Variants in LIMD1 observed in about 807,000 individuals in gnomAD.
LIMD1 encodes the protein LIM domain-containing protein 1.
In LIMD1, 23 loss-of-function variants were observed where a neutral mutation model predicts 58.4. The ratio of observed to expected loss-of-function variants is 0.39; its 90% CI spans 0.28 to 0.56. The LOEUF is 0.56. LIMD1 is among the 20% of genes least tolerant of loss of function. The probability of loss-of-function intolerance (pLI) is 0.57; values close to 1 mark genes in which losing one functional copy is unlikely to be tolerated. For missense variants in LIMD1, 838 were observed against 855.5 expected (o/e 0.98, Z 0.25); for synonymous variants, 334 against 345.5 (o/e 0.97, Z 0.37).
At chr3:45,617,108 A>C (rs1575347317) in intron 1 of LIMD1, among the ~76,000 whole-genome samples, 1 of 147,770 alleles carries the variant, frequency 6.8e-6, no homozygotes, top group African/African-American at 2.5e-5. Context: ...ATCTCAGCTC[A>C]CTGCAGCCTC....
chr3:45,621,764 A>G (rs1181736539), intron 1 of LIMD1, among the ~76,000 whole-genome samples: 5 of 152,290 alleles, frequency 3.3e-5, no homozygotes, highest in Admixed American at 6.5e-5. Flanking sequence ...AAATCCATCA[A>G]TTGAAATTGT....
chr3:45,615,023 C>T (rs1234272786), intron 1 of LIMD1, among the ~76,000 whole-genome samples: 2 of 151,918 alleles, frequency 1.3e-5, no homozygotes, highest in Non-Finnish European at 2.9e-5. Flanking sequence ...GCAGAACTTC[C>T]CCTCTTCTCT....
chr3:45,678,417 A>T lies in LIMD1; in HGVS notation c.*1358A>T, dbSNP rs748641295. The T allele has an allele frequency of 2.0e-5, 3 of 152,626 alleles. No individual in the cohort carries two copies. Among genetic ancestry groups the T allele is most frequent in the Non-Finnish European group, 4.4e-5 (3 of 68,072 alleles). The allele number at this position is 152,626 out of a possible 1,614,324, so 9.5% of individuals were successfully genotyped here. A position where few individuals can be genotyped will look rare whatever the true frequency, so the allele number is the denominator to read the frequency against. On this transcript the variant is annotated 3_prime_UTR_variant, in exon 8 of 8. Transcript: ENST00000273317. ...CCGATTCAGTGCTTTTGCCTTATGC[A>T]TTTCAGCATCCTGGCTCCCCAGGGT...
intron 2 of LIMD1, among the ~76,000 whole-genome samples, chr3:45,641,853 A>G (rs934517961): frequency 6.6e-6 from 1 of 152,202 alleles, no homozygotes; most frequent in Non-Finnish European, 1.5e-5. Context: ...TTGAGAAGCA[A>G]TTTTAGACTG....
intron 1 of LIMD1, among the ~76,000 whole-genome samples, chr3:45,623,537 C>T (rs986789697): frequency 8.5e-5 from 13 of 152,114 alleles, no homozygotes; most frequent in Non-Finnish European, 1.2e-4. Context: ...ACTTCCTTTC[C>T]CACTGTGATG....
At chr3:45,629,775 C>T (rs893562) in intron 1 of LIMD1, among the ~76,000 whole-genome samples, 72,125 of 151,964 alleles carry the variant, frequency 0.47, 18,359 homozygotes, top group African/African-American at 0.67. Context: ...GCCGGCAGAA[C>T]GAGGCAGAGT....
intron 2 of LIMD1, among the ~76,000 whole-genome samples, chr3:45,647,312 C>T (rs1379467567): frequency 6.6e-6 from 1 of 152,206 alleles, no homozygotes; most frequent in Non-Finnish European, 1.5e-5. Context: ...ACATAACCTT[C>T]TTGCCAGTTA....
At chr3:45,632,446 CTCTG>C (rs1575352652) in intron 1 of LIMD1, 3 of 883,114 alleles carry the variant, frequency 3.4e-6, no homozygotes, top group East Asian at 1.2e-4. Flanking sequence ...ACTAAGTGCA[CTCTG>C]TCTGTGGCTG....
At chr3:45,617,961 A>G (rs563400241) in intron 1 of LIMD1, among the ~76,000 whole-genome samples, 3 of 152,046 alleles carry the variant, frequency 2.0e-5, no homozygotes, top group Admixed American at 2.0e-4. Flanking sequence ...TCTAAAATCT[A>G]CTCTGTGTTA....
Position 45,679,948 on chromosome 3 carries a change from C to T in LIMD1, c.*2889C>T, listed in dbSNP as rs1223997062. On this transcript the variant is annotated 3_prime_UTR_variant, in exon 8 of 8. Transcript: ENST00000273317. Reference sequence around the variant, plus strand: ...TTCCCATTTCTCTGTGGTTAGTGCTCGAGTGAAAACCTCTTTCAGCTGAGT... The same window carrying T: ...TTCCCATTTCTCTGTGGTTAGTGCTTGAGTGAAAACCTCTTTCAGCTGAGT... 2.6e-5 allele frequency: 4 copies of T among 152,130 alleles called. No individual in the cohort carries two copies. The highest frequency in any genetic ancestry group is 1.9e-4 in the East Asian group (1 of 5,192). The allele number at this position is 152,130 out of a possible 1,614,324, so 9.4% of individuals were successfully genotyped here. A position where few individuals can be genotyped will look rare whatever the true frequency, so the allele number is the denominator to read the frequency against.
At chr3:45,674,472 T>G in intron 7 of LIMD1, 61 bp downstream of exon 7, 1 of 1,183,816 alleles carries the variant, frequency 8.4e-7, no homozygotes, top group Non-Finnish European at 1.2e-6. Flanking sequence ...AAAAGCATCC[T>G]GCGTTGACTG....
At chr3:45,625,019 A>G (rs1575349953) in intron 1 of LIMD1, among the ~76,000 whole-genome samples, 2 of 151,990 alleles carry the variant, frequency 1.3e-5, no homozygotes, top group African/African-American at 4.8e-5. Flanking sequence ...TTCACGTGGA[A>G]GGCTGCCCAG....
At chr3:45,616,726 C>G (rs1701579561) in intron 1 of LIMD1, among the ~76,000 whole-genome samples, 1 of 151,914 alleles carries the variant, frequency 6.6e-6, no homozygotes, top group South Asian at 2.1e-4. Flanking sequence ...TTGCAGATAG[C>G]TCACTTACAT....
chr3:45,639,655 A>T (rs966690531), intron 2 of LIMD1, among the ~76,000 whole-genome samples: 2 of 151,718 alleles, frequency 1.3e-5, no homozygotes, highest in East Asian at 3.9e-4. Flanking sequence ...GTCACCTTGG[A>T]GGTTAGGATT....
Position 45,601,989 on chromosome 3 carries a change from A to C in LIMD1, c.1408+5702A>C, listed in dbSNP as rs1371830072. 7.6e-5 allele frequency among the ~76,000 whole-genome samples: 11 copies of C among 145,386 alleles called. No individual in the cohort carries two copies. The East Asian group carries it at 1.2e-3, about 16-fold the overall frequency. ...ACAGAGTCTCGCTCTGTCGCCCAGG[A>C]TGGAGTGCAGTGGCGCGATCTTGGC... On this transcript the variant is annotated intron_variant, in intron 1 of 7. Coordinates refer to ENST00000273317, the MANE Select transcript of LIMD1 (RefSeq NM_014240.3).
At chr3:45,649,833 C>T (rs1575359329) in intron 2 of LIMD1, among the ~76,000 whole-genome samples, 1 of 110,392 alleles carries the variant, frequency 9.1e-6, no homozygotes, top group African/African-American at 3.8e-5. Context: ...TTTTTGAGTT[C>T]CTTGAAGTTT....
intron 1 of LIMD1, among the ~76,000 whole-genome samples, chr3:45,619,197 G>A (rs904409917): frequency 6.6e-6 from 1 of 151,656 alleles, no homozygotes; most frequent in Admixed American, 6.6e-5. Flanking sequence ...TTCTTGTAGA[G>A]ACAGAGTCTT....
chr3:45,620,041 A>G (rs887946583), intron 1 of LIMD1, among the ~76,000 whole-genome samples: 2 of 152,022 alleles, frequency 1.3e-5, no homozygotes, highest in Non-Finnish European at 2.9e-5. Flanking sequence ...TGGTGGGAAA[A>G]CTGAACTGAT....
At chr3:45,603,148 A>C (rs1701433070) in intron 1 of LIMD1, among the ~76,000 whole-genome samples, 1 of 152,072 alleles carries the variant, frequency 6.6e-6, no homozygotes, top group Non-Finnish European at 1.5e-5. Context: ...GCCCTTCATG[A>C]CTTTTTAATT....
Sources: allele counts gnomAD v4.1 joint callset (sites outside exome capture counted in the v4.1 genomes callset), GRCh38; gene constraint gnomAD v4.1.1; transcripts MANE v1.5; gene names NCBI Gene and HGNC (gene_info 2026-07-23, HGNC 2026-07-21).